TCF7L2: variants seen among roughly 807,000 people sequenced by gnomAD.
TCF7L2 encodes transcription factor 7-like 2.
A neutral mutation model predicts 77.9 loss-of-function variants in TCF7L2; 23 were observed. That is an observed-to-expected ratio of 0.30 (90% CI 0.21 to 0.42). The LOEUF (loss-of-function observed/expected upper bound fraction) is 0.42, where lower values mean the gene tolerates loss of function less well. Ranked by LOEUF, TCF7L2 falls within the 10% of genes least tolerant of loss-of-function variation. The probability of loss-of-function intolerance (pLI) is 1.00; values close to 1 mark genes in which losing one functional copy is unlikely to be tolerated. For synonymous variants in TCF7L2, 413 were observed against 340.2 expected (o/e 1.21, Z -2.36); for missense variants, 654 against 793.1 (o/e 0.82, Z 2.11).
In TCF7L2 at chr10:113,058,931, G is replaced by A. The variant is rs961913406; in HGVS notation, c.552+18805G>A. 3.3e-5 allele frequency among the ~76,000 whole-genome samples: 5 copies of A among 152,236 alleles called. No individual in the cohort carries two copies. In the East Asian group the frequency reaches 5.8e-4, roughly 18 times the overall value. ...AATGCCCGCTCTGCAAACAGGAAAC[G>A]GTGCTCACTGCTGTGTATGCTTTTC... is the stretch of plus-strand genomic sequence containing the variant. On this transcript the variant is annotated intron_variant, in intron 5 of 13. Transcript: ENST00000627217.
intron 12 of TCF7L2, 47 bp downstream of exon 14, chr10:113,160,039 A>G (rs371600263): frequency 3.1e-4 from 476 of 1,549,008 alleles, no homozygotes; most frequent in South Asian, 6.4e-4. Flanking sequence ...CAGCTGGTCT[A>G]TTCGATCCTC....
chr10:113,007,328 C>T (rs2045735384), intron 4 of TCF7L2, among the ~76,000 whole-genome samples: 1 of 152,222 alleles, frequency 6.6e-6, no homozygotes, highest in South Asian at 2.1e-4. Flanking sequence ...TAGCCTCCAT[C>T]CCCTGCCCCC....
At chr10:113,047,531 C>A (rs1202747419) in intron 5 of TCF7L2, among the ~76,000 whole-genome samples, 1 of 152,146 alleles carries the variant, frequency 6.6e-6, no homozygotes. Flanking sequence ...TAATTCACAG[C>A]ATAAATTTAT....
intron 4 of TCF7L2, among the ~76,000 whole-genome samples, chr10:113,018,043 A>C (rs551446944): frequency 6.6e-6 from 1 of 152,334 alleles, no homozygotes; most frequent in East Asian, 1.9e-4. Context: ...GAGATGGCAC[A>C]GTGCTGGGTG....
At chr10:112,993,168 A>G (rs945884233) in intron 4 of TCF7L2, among the ~76,000 whole-genome samples, 1 of 152,184 alleles carries the variant, frequency 6.6e-6, no homozygotes, top group Non-Finnish European at 1.5e-5. Context: ...CATTTTGTGA[A>G]TCAGAGTCTT....
intron 5 of TCF7L2, among the ~76,000 whole-genome samples, chr10:113,089,766 T>C (rs2060180749): frequency 1.3e-5 from 2 of 152,138 alleles, no homozygotes; most frequent in African/African-American, 4.8e-5. Context: ...AGGGTGGTGC[T>C]CGCATGACTC....
intron 4 of TCF7L2, among the ~76,000 whole-genome samples, chr10:113,026,450 T>C (rs1590671780): frequency 6.6e-6 from 1 of 152,142 alleles, no homozygotes; most frequent in Admixed American, 6.6e-5. Context: ...TGAGCCACCA[T>C]GCCTGGCCTA....
intron 5 of TCF7L2, among the ~76,000 whole-genome samples, chr10:113,109,118 C>T (rs139568928): frequency 5.9e-5 from 9 of 152,148 alleles, no homozygotes; most frequent in Admixed American, 1.3e-4. Context: ...CAGAAAGGAG[C>T]GTATTTCCAG....
At chr10:113,067,234 C>A (rs149909162) in intron 5 of TCF7L2, among the ~76,000 whole-genome samples, 1 of 152,104 alleles carries the variant, frequency 6.6e-6, no homozygotes, top group Non-Finnish European at 1.5e-5. Context: ...AAGAGCAACC[C>A]GTAGGAGGGG....
chr10:113,130,372 A>G (rs1383535003), intron 5 of TCF7L2, among the ~76,000 whole-genome samples: 1 of 152,214 alleles, frequency 6.6e-6, no homozygotes, highest in Non-Finnish European at 1.5e-5. Context: ...GGTGGGCTCC[A>G]TCAGAAAAGA....
intron 5 of TCF7L2, among the ~76,000 whole-genome samples, chr10:113,047,791 A>G (rs2053713761): frequency 6.6e-6 from 1 of 152,114 alleles, no homozygotes; most frequent in Non-Finnish European, 1.5e-5. Context: ...GGCTCCTGTG[A>G]TTAAGGTCAG....
intron 4 of TCF7L2, among the ~76,000 whole-genome samples, chr10:112,975,426 C>G (rs1011520140): frequency 1.3e-5 from 2 of 152,148 alleles, no homozygotes; most frequent in Non-Finnish European, 2.9e-5. Context: ...CTGGAGAATT[C>G]TTCGTTGCAG....
chr10:112,992,915 C>T (rs149692182), intron 4 of TCF7L2, among the ~76,000 whole-genome samples: 2,395 of 152,136 alleles, frequency 0.016, 25 homozygotes, highest in South Asian at 0.042. Context: ...AGGTGCCTGA[C>T]ACCGCGCCTG....
intron 4 of TCF7L2, among the ~76,000 whole-genome samples, chr10:113,027,487 G>A (rs192888128): frequency 6.6e-6 from 1 of 152,112 alleles, no homozygotes; most frequent in Non-Finnish European, 1.5e-5. Context: ...AATATCCATT[G>A]TTCTCTTCTC....
intron 6 of TCF7L2, among the ~76,000 whole-genome samples, chr10:113,141,618 T>A (rs563909745): frequency 2.0e-5 from 3 of 152,198 alleles, no homozygotes; most frequent in Non-Finnish European, 2.9e-5. Context: ...GTCCTCAGTA[T>A]GTTTCAGGAG....
In TCF7L2 at chr10:113,159,902, T is replaced by G. The variant is rs372842771; in HGVS notation, c.1319-717T>G. On this transcript the variant is annotated intron_variant, in intron 12 of 13. Coordinates refer to ENST00000627217, the MANE Select transcript of TCF7L2 (RefSeq NM_001146274.2). Reference sequence around the variant, plus strand: ...CACGTTCTCCTCCTCTGCTCGCTTCTCTCTTGAACTCATTCAGACCTGAGC... The same window carrying G: ...CACGTTCTCCTCCTCTGCTCGCTTCGCTCTTGAACTCATTCAGACCTGAGC... 3.8e-5 allele frequency: 53 copies of G among 1,413,328 alleles called. No homozygotes were observed. The East Asian group carries it at 1.6e-3, about 44-fold the overall frequency. 87.5% of individuals were successfully genotyped at this position (1,413,328 alleles called of 1,614,324 possible).
intron 11 of TCF7L2, among the ~76,000 whole-genome samples, chr10:113,156,245 G>C (rs1225507337): frequency 6.6e-6 from 1 of 151,800 alleles, no homozygotes; most frequent in Non-Finnish European, 1.5e-5. Context: ...CTCCCCAGTA[G>C]CTGGGACTAC....
chr10:113,149,853 G>C (rs1444988909), intron 8 of TCF7L2, among the ~76,000 whole-genome samples: 3 of 152,320 alleles, frequency 2.0e-5, no homozygotes, highest in Admixed American at 6.5e-5. Flanking sequence ...GCAGGAGGCT[G>C]CCATATTGTT....
At chr10:113,103,852 T>C (rs2061952911) in intron 5 of TCF7L2, among the ~76,000 whole-genome samples, 1 of 152,182 alleles carries the variant, frequency 6.6e-6, no homozygotes, top group Non-Finnish European at 1.5e-5. Context: ...CTTGACAGTT[T>C]CCATTATATG....
Sources: allele counts gnomAD v4.1 joint callset (sites outside exome capture counted in the v4.1 genomes callset), GRCh38; gene constraint gnomAD v4.1.1; transcripts MANE v1.5; gene names NCBI Gene and HGNC (gene_info 2026-07-23, HGNC 2026-07-21).